Variants in PLEKHH2 observed in about 807,000 individuals in gnomAD.
The protein encoded by PLEKHH2 is pleckstrin homology, MyTH4 and FERM domain containing H2, also known as pleckstrin homology domain-containing family H member 2.
PLEKHH2 carries 129 observed loss-of-function variants against 187.9 expected under a neutral mutation model. The observed-to-expected ratio is 0.69, with a 90% CI of 0.59 to 0.79. The LOEUF (loss-of-function observed/expected upper bound fraction) is 0.79. Among genes scored for constraint, PLEKHH2 ranks in the 30% least tolerant of loss-of-function variants. PLEKHH2 has a pLI of 0.00. For synonymous variants in PLEKHH2, 686 were observed against 605.6 expected (o/e 1.13, Z -1.95); for missense variants, 2,076 against 1,751.2 (o/e 1.19, Z -3.31).
chr2:43,641,492 T>C (rs1467395897), intron 1 of PLEKHH2, among the ~76,000 whole-genome samples: 2 of 104,336 alleles, frequency 1.9e-5, no homozygotes, highest in Non-Finnish European at 4.0e-5. Flanking sequence ...TTATGAGATT[T>C]GTTTTGCAAT....
intron 3 of PLEKHH2, among the ~76,000 whole-genome samples, chr2:43,690,770 T>C (rs905491234): frequency 1.3e-5 from 2 of 152,256 alleles, no homozygotes; most frequent in Admixed American, 1.3e-4. Context: ...TCCTTCTTAC[T>C]ACAATTAACA....
Position 43,648,560 on chromosome 2 carries a change from CGTGTGT to C in PLEKHH2, c.123+3800_123+3805del, listed in dbSNP as rs71410194. On this transcript the variant is annotated intron_variant, in intron 2 of 29. Transcript: ENST00000282406. ...GAGGTGACCTAAATGTAATTACATTCGTGTGTGTGTGTGTGTGTGTGTGTGTGTGTG... is the reference window on the plus strand; with the variant it reads ...GAGGTGACCTAAATGTAATTACATTCGTGTGTGTGTGTGTGTGTGTGTGTG... Among the ~76,000 whole-genome samples the C allele has an allele frequency of 6.4e-3, 881 of 137,918 alleles. 18 individuals carry two copies. The highest frequency in any genetic ancestry group is 0.062 in the South Asian group (247 of 4,016). The allele number at this position is 137,918 out of a possible 152,430, so 90.5% of individuals were successfully genotyped here.
At chr2:43,713,223 GT>G (rs1049394226) in intron 15 of PLEKHH2, among the ~76,000 whole-genome samples, 24 of 151,818 alleles carry the variant, frequency 1.6e-4, no homozygotes, top group Non-Finnish European at 3.5e-4. Context: ...CTCACAGCAT[GT>G]TTTTTTTCCT....
chr2:43,753,512 T>C, intron 24 of PLEKHH2, 107 bp from the exon 25 acceptor site: 1 of 816,000 alleles, frequency 1.2e-6, no homozygotes, highest in Non-Finnish European at 1.8e-6. Context: ...TCATACCACT[T>C]AGAGTACTGT....
intron 9 of PLEKHH2, among the ~76,000 whole-genome samples, chr2:43,704,486 C>T (rs1304733796): frequency 6.6e-6 from 1 of 151,498 alleles, no homozygotes; most frequent in Non-Finnish European, 1.5e-5. Context: ...ACGTTGAAAC[C>T]CCATCTCTAC....
At chr2:43,696,296 G>A (rs2104474675) in intron 6 of PLEKHH2, among the ~76,000 whole-genome samples, 1 of 152,160 alleles carries the variant, frequency 6.6e-6, no homozygotes, top group Non-Finnish European at 1.5e-5. Context: ...AATATAGTGA[G>A]ACCCCATCGC....
intron 11 of PLEKHH2, among the ~76,000 whole-genome samples, chr2:43,708,977 A>G (rs1558534916): frequency 6.6e-6 from 1 of 152,224 alleles, no homozygotes; most frequent in Non-Finnish European, 1.5e-5. Context: ...GTTAATACAT[A>G]TTTTTAAAAA....
chr2:43,716,584 A>G (rs1670220780), intron 15 of PLEKHH2, among the ~76,000 whole-genome samples: 1 of 152,226 alleles, frequency 6.6e-6, no homozygotes, highest in Non-Finnish European at 1.5e-5. Context: ...AAAAAGGAGC[A>G]GAGAATTTAC....
intron 17 of PLEKHH2, among the ~76,000 whole-genome samples, chr2:43,727,580 T>C (rs1256477998): frequency 1.3e-5 from 2 of 152,208 alleles, no homozygotes; most frequent in African/African-American, 4.8e-5. Flanking sequence ...TACTGTATCC[T>C]TAACATATAA....
At chr2:43,719,996 C>T (rs968137880) in intron 15 of PLEKHH2, among the ~76,000 whole-genome samples, 1 of 152,030 alleles carries the variant, frequency 6.6e-6, no homozygotes, top group Non-Finnish European at 1.5e-5. Flanking sequence ...ACTGCACTTT[C>T]TCTTCTTTAT....
chr2:43,668,511 G>C (rs950390626), intron 2 of PLEKHH2, among the ~76,000 whole-genome samples: 2 of 152,256 alleles, frequency 1.3e-5, no homozygotes, highest in Middle Eastern at 3.4e-3. Context: ...TTACTGATCA[G>C]TTCCCTTACT....
At position 43,757,117 on chromosome 2, in the gene PLEKHH2, A is replaced by C. The variant is rs1185922572; in HGVS notation, c.3796-2A>C. 3.2e-6 allele frequency: 5 copies of C among 1,562,998 alleles called. No individual in the cohort carries two copies. The highest frequency in any genetic ancestry group is 1.4e-5 in the African/African-American group (1 of 71,870). ...TTTTCACTTTTGTGGATTTCCAATTAGGTAGAGATTGGAGATTTTGAAAGA... is the reference window on the plus strand; with the variant it reads ...TTTTCACTTTTGTGGATTTCCAATTCGGTAGAGATTGGAGATTTTGAAAGA... On this transcript the variant is annotated splice_acceptor_variant, in intron 25 of 29. Transcript: ENST00000282406. LOFTEE classifies it high-confidence loss of function.
intron 19 of PLEKHH2, among the ~76,000 whole-genome samples, chr2:43,732,221 G>T (rs898926248): frequency 4.6e-5 from 7 of 152,014 alleles, no homozygotes; most frequent in Non-Finnish European, 7.4e-5. Flanking sequence ...AAATTAAATG[G>T]GCATGGAGGC....
intron 23 of PLEKHH2, among the ~76,000 whole-genome samples, chr2:43,744,867 C>CAAAAAAAAAAAAAAAAA (rs774106764): frequency 8.5e-5 from 7 of 82,766 alleles, no homozygotes; most frequent in South Asian, 3.8e-4. Flanking sequence ...GACTGTCTCA[C>CAAAAAAAAAAAAAAAAA]AAAAAAAAAA....
intron 28 of PLEKHH2, 141 bp from the exon 29 acceptor site, chr2:43,764,087 C>T (rs1301273470): frequency 8.3e-6 from 4 of 481,898 alleles, no homozygotes; most frequent in Non-Finnish European, 1.4e-5. Context: ...GATCATAATA[C>T]ATTTTATTTT....
intron 10 of PLEKHH2, 70 bp downstream of exon 10, chr2:43,706,486 A>T: frequency 1.8e-6 from 2 of 1,123,744 alleles, no homozygotes; most frequent in Admixed American, 4.2e-5. Flanking sequence ...TGTTAATTCA[A>T]GCTCCAGATT....
chr2:43,697,444 C>A, intron 7 of PLEKHH2, 88 bp downstream of exon 7: 1 of 1,107,706 alleles, frequency 9.0e-7, no homozygotes, highest in Admixed American at 3.0e-5. Flanking sequence ...GCTTAATTTT[C>A]CTTATTTTTT....
At chr2:43,658,877 A>C (rs13432552) in intron 2 of PLEKHH2, 1 of 152,074 alleles carries the variant, frequency 6.6e-6, no homozygotes, top group African/African-American at 2.4e-5. Context: ...GGTGAGGATC[A>C]TTGCGAGACA....
At chr2:43,729,039 T>C (rs1011468501) in intron 17 of PLEKHH2, among the ~76,000 whole-genome samples, 2 of 152,212 alleles carry the variant, frequency 1.3e-5, no homozygotes, top group Admixed American at 1.3e-4. Context: ...TGTGTCCATA[T>C]GTGTAGTAGA....
Sources: gnomAD v4.1 joint callset for allele counts (sites outside exome capture counted in the v4.1 genomes callset) on GRCh38, gnomAD v4.1.1 for gene constraint, MANE v1.5 for transcripts, NCBI Gene and HGNC (gene_info 2026-07-23, HGNC 2026-07-21) for gene names.